The following NAALADL2 variants were observed in gnomAD, a reference collection of about 807,000 sequenced individuals.
NAALADL2 encodes N-acetylated alpha-linked acidic dipeptidase like 2.
Under a neutral mutation model 87.2 loss-of-function variants are expected in NAALADL2, and 76 were observed. The observed-to-expected ratio is 0.87, with a 90% CI of 0.72 to 1.05. NAALADL2 has a LOEUF of 1.05. Among genes scored for constraint, NAALADL2 ranks in the 50% least tolerant of loss-of-function variants. NAALADL2 has a pLI of 0.00. For synonymous variants in NAALADL2, 354 were observed against 331.0 expected, an observed-to-expected ratio of 1.07 and a Z score of -0.75; for missense variants, 1,089 against 945.8, an observed-to-expected ratio of 1.15 and a Z score of -1.99.
intron 2 of NAALADL2, among the ~76,000 whole-genome samples, chr3:174,721,652 A>T (rs1272035775): frequency 6.6e-6 from 1 of 152,204 alleles, no homozygotes; most frequent in Non-Finnish European, 1.5e-5. Context: ...ATGTAAGCTA[A>T]TGAATGTGTC....
intron 1 of NAALADL2, among the ~76,000 whole-genome samples, chr3:174,895,726 CAAAA>C (rs549222814): frequency 5.7e-4 from 87 of 151,550 alleles, no homozygotes; most frequent in African/African-American, 2.1e-3. Flanking sequence ...TACATCAAAA[CAAAA>C]AAACGAAAGC....
chr3:174,494,197 A>T (rs1187885023), intron 1 of NAALADL2, among the ~76,000 whole-genome samples: 1 of 152,164 alleles, frequency 6.6e-6, no homozygotes, highest in Non-Finnish European at 1.5e-5. Flanking sequence ...TGTCGCTTGG[A>T]GATGAGAACC....
At position 174,859,420 on chromosome 3, in the gene NAALADL2, G is replaced by T. The variant is rs1726195055; in HGVS notation, c.13G>T (p.Glu5Ter). Residue 5 changes from glutamate to a stop codon, truncating the protein, a stop_gained, in exon 1 of 14, where the codon GAA becomes TAA. Transcript: ENST00000454872. LOFTEE classifies it high-confidence loss of function. The part of the protein sequence containing the change: MGEN[E>*]ASLPNTSLQG... ...AAGAAATAATAAAATGGGAGAGAAT[G>T]AAGCAAGTTTACCTAACACGTCTTT... is the stretch of plus-strand genomic sequence containing the variant. The T allele has an allele frequency of 6.2e-7, 1 of 1,610,300 alleles. No homozygotes were observed. Among genetic ancestry groups the T allele is most frequent in the South Asian group, 1.1e-5 (1 of 90,446 alleles).
At chr3:175,180,716 T>A (rs1398750229) in intron 2 of NAALADL2, among the ~76,000 whole-genome samples, 2 of 151,042 alleles carry the variant, frequency 1.3e-5, no homozygotes, top group Non-Finnish European at 3.0e-5. Flanking sequence ...TCATTAGTTA[T>A]TTTAAATATA....
chr3:175,611,677 C>A (rs539026112), intron 10 of NAALADL2, among the ~76,000 whole-genome samples: 1 of 152,056 alleles, frequency 6.6e-6, no homozygotes, highest in Non-Finnish European at 1.5e-5. Context: ...AGGAAAGATG[C>A]TATCAGAAAT....
At chr3:175,758,578 T>A (rs890387511) in intron 13 of NAALADL2, among the ~76,000 whole-genome samples, 6 of 152,022 alleles carry the variant, frequency 3.9e-5, no homozygotes, top group Non-Finnish European at 5.9e-5. Flanking sequence ...TTCACATTTC[T>A]AAAAATGATT....
chr3:175,789,512 G>A (rs6805883), intron 13 of NAALADL2, among the ~76,000 whole-genome samples: 4 of 152,054 alleles, frequency 2.6e-5, no homozygotes, highest in Non-Finnish European at 5.9e-5. Flanking sequence ...TGAGGTCTTG[G>A]CTTTTGTATG....
chr3:175,509,128 A>AG (rs1330187028), intron 9 of NAALADL2, among the ~76,000 whole-genome samples: 3 of 151,122 alleles, frequency 2.0e-5, no homozygotes, highest in Non-Finnish European at 4.4e-5. Context: ...AAAAAAAAAA[A>AG]GAAAAAAAAA....
At position 175,213,711 on chromosome 3, in the gene NAALADL2, C is replaced by G. The variant is rs140661650; in HGVS notation, c.546-20220C>G. 6.7e-4 allele frequency among the ~76,000 whole-genome samples: 102 copies of G among 152,218 alleles called. 1 individual carries two copies. The highest frequency in any genetic ancestry group is 1.2e-3 in the Non-Finnish European group (80 of 68,010). ...GAATTATTATATTTAACCATAGCAA[C>G]CCATTAATATATGTACTGTTATTAT... is the stretch of plus-strand genomic sequence containing the variant. On this transcript the variant is annotated intron_variant, in intron 2 of 13. Transcript: ENST00000454872.
intron 11 of NAALADL2, among the ~76,000 whole-genome samples, chr3:175,656,920 A>C (rs1731545138): frequency 6.6e-6 from 1 of 152,214 alleles, no homozygotes; most frequent in Non-Finnish European, 1.5e-5. Flanking sequence ...CGTCATGGCC[A>C]TTATAATTGA....
At chr3:175,385,056 A>G (rs1768213264) in intron 5 of NAALADL2, among the ~76,000 whole-genome samples, 1 of 152,044 alleles carries the variant, frequency 6.6e-6, no homozygotes, top group Admixed American at 6.6e-5. Context: ...AGAAACTTTG[A>G]GTGTAGTTAT....
At chr3:174,957,269 CAAG>C (rs1349048299) in intron 1 of NAALADL2, among the ~76,000 whole-genome samples, 1 of 151,922 alleles carries the variant, frequency 6.6e-6, no homozygotes, top group Non-Finnish European at 1.5e-5. Flanking sequence ...CTCCCTACTG[CAAG>C]AAGGGGAGAC....
At chr3:175,247,955 T>A (rs1748294444) in intron 3 of NAALADL2, among the ~76,000 whole-genome samples, 1 of 152,190 alleles carries the variant, frequency 6.6e-6, no homozygotes, top group African/African-American at 2.4e-5. Flanking sequence ...GACACTGAGA[T>A]CCAGAAAAGT....
chr3:175,118,058 T>G (rs1725548821), intron 2 of NAALADL2, among the ~76,000 whole-genome samples: 1 of 151,930 alleles, frequency 6.6e-6, no homozygotes, highest in Non-Finnish European at 1.5e-5. Context: ...AGGTGGGAAC[T>G]GAACAATGAG....
At chr3:175,472,892 AG>A (rs1371937181) in intron 9 of NAALADL2, among the ~76,000 whole-genome samples, 5 of 152,202 alleles carry the variant, frequency 3.3e-5, no homozygotes, top group East Asian at 3.9e-4. Flanking sequence ...GCCTTGCAAA[AG>A]CAAATGAGCC....
At chr3:174,669,711 C>T (rs574646434) in intron 2 of NAALADL2, among the ~76,000 whole-genome samples, 1 of 151,800 alleles carries the variant, frequency 6.6e-6, no homozygotes, top group East Asian at 1.9e-4. Context: ...AGATTGTTTC[C>T]GTTATTTGGG....
At chr3:175,530,277 CCATT>C (rs1196177604) in intron 9 of NAALADL2, among the ~76,000 whole-genome samples, 3 of 152,216 alleles carry the variant, frequency 2.0e-5, no homozygotes, top group South Asian at 2.1e-4. Flanking sequence ...CAGCTTTTGA[CCATT>C]CAGAGAGGTC....
chr3:174,727,575 A>G (rs677423), intron 2 of NAALADL2, among the ~76,000 whole-genome samples: 67,277 of 151,896 alleles, frequency 0.44, 15,200 homozygotes, highest in Non-Finnish European at 0.49. Flanking sequence ...TTATTTTTAT[A>G]GAAGCTTTAG....
intron 3 of NAALADL2, among the ~76,000 whole-genome samples, chr3:174,816,254 T>C (rs1393134720): frequency 6.6e-6 from 1 of 151,806 alleles, no homozygotes; most frequent in Non-Finnish European, 1.5e-5. Context: ...CTCTCTTTTA[T>C]TTCTTCTCTC....
Sources: gnomAD v4.1 joint callset for allele counts (sites outside exome capture counted in the v4.1 genomes callset) on GRCh38, gnomAD v4.1.1 for gene constraint, MANE v1.5 for transcripts, NCBI Gene and HGNC (gene_info 2026-07-23, HGNC 2026-07-21) for gene names.